Variants in ATOSA observed in about 807,000 individuals in gnomAD.
ATOSA encodes atos homolog protein A.
At chr15:52,660,425 T>G in the ATOSA span, among the ~76,000 whole-genome samples, 1 of 152,224 alleles carries the variant, frequency 6.6e-6, no homozygotes, top group Non-Finnish European at 1.5e-5. Context: ...GCCTGGGATG[T>G]TCTTTCCCCT....
chr15:52,644,167 C>G, the ATOSA span, among the ~76,000 whole-genome samples: 2 of 151,922 alleles, frequency 1.3e-5, no homozygotes, highest in African/African-American at 4.8e-5. Flanking sequence ...AAGCAATCCT[C>G]CAACCTCGGC....
At chr15:52,667,686 A>T in the ATOSA span, among the ~76,000 whole-genome samples, 1 of 152,194 alleles carries the variant, frequency 6.6e-6, no homozygotes, top group Admixed American at 6.5e-5. Flanking sequence ...AAATATACAC[A>T]ATCGGCTTTT....
At chr15:52,689,314 G>A in the ATOSA span, among the ~76,000 whole-genome samples, 1 of 152,044 alleles carries the variant, frequency 6.6e-6, no homozygotes, top group Non-Finnish European at 1.5e-5. Flanking sequence ...CTATATACAT[G>A]ACATTTTCCT....
chr15:52,693,769 T>A, the ATOSA span, among the ~76,000 whole-genome samples: 1 of 152,218 alleles, frequency 6.6e-6, no homozygotes, highest in African/African-American at 2.4e-5. Flanking sequence ...TCCAAAAGTT[T>A]ATGTGGAATA....
At chr15:52,678,429 C>T in the ATOSA span, 27 of 202,388 alleles carry the variant, frequency 1.3e-4, no homozygotes, top group Admixed American at 1.4e-3. Flanking sequence ...CACAAACTAA[C>T]CCCTTCGTAC....
the ATOSA span, among the ~76,000 whole-genome samples, chr15:52,677,299 C>T: frequency 6.6e-6 from 1 of 152,180 alleles, no homozygotes; most frequent in Non-Finnish European, 1.5e-5. Flanking sequence ...GACTGAAAAG[C>T]TCTCACTACT....
chr15:52,644,751 A>C, the ATOSA span, among the ~76,000 whole-genome samples: 1 of 152,224 alleles, frequency 6.6e-6, no homozygotes, highest in African/African-American at 2.4e-5. Flanking sequence ...ATTTGTTTAA[A>C]ATGATTAGGC....
the ATOSA span, among the ~76,000 whole-genome samples, chr15:52,692,942 C>T: frequency 0.31 from 47,484 of 151,772 alleles, 8,077 homozygotes; most frequent in African/African-American, 0.44. Flanking sequence ...TGAGCCACCA[C>T]GCCTGGCACA....
At chr15:52,585,026 A>T in the ATOSA span, 1 of 1,207,406 alleles carries the variant, frequency 8.3e-7, no homozygotes, top group Non-Finnish European at 1.1e-6. Flanking sequence ...ATAATCAAAC[A>T]AGATTTTAAA....
the ATOSA span, chr15:52,582,130 A>T: frequency 1.3e-6 from 2 of 1,538,042 alleles, no homozygotes; most frequent in East Asian, 4.9e-5. Context: ...GTACTGAGTA[A>T]ATACTTTAAA....
At chr15:52,597,718 T>C in the ATOSA span, among the ~76,000 whole-genome samples, 17 of 152,352 alleles carry the variant, frequency 1.1e-4, no homozygotes, top group South Asian at 3.5e-3. Flanking sequence ...GGTTTTGCAG[T>C]AGAAAACTCT....
At chr15:52,637,798 T>C in the ATOSA span, among the ~76,000 whole-genome samples, 1 of 152,196 alleles carries the variant, frequency 6.6e-6, no homozygotes, top group African/African-American at 2.4e-5. Flanking sequence ...CAGGCAGACA[T>C]TTATTATTAT....
At chr15:52,642,571 C>T in the ATOSA span, among the ~76,000 whole-genome samples, 14 of 152,200 alleles carry the variant, frequency 9.2e-5, no homozygotes. Context: ...TAAAAATAAT[C>T]ATGAGGGTGT....
chr15:52,674,446 G>A, the ATOSA span, among the ~76,000 whole-genome samples: 6 of 152,246 alleles, frequency 3.9e-5, no homozygotes, highest in African/African-American at 7.2e-5. Context: ...TGAGTCAAAG[G>A]TGGAATAACA....
At chr15:52,664,343 C>A in the ATOSA span, among the ~76,000 whole-genome samples, 1 of 152,212 alleles carries the variant, frequency 6.6e-6, no homozygotes, top group African/African-American at 2.4e-5. Context: ...TTAGGGAATA[C>A]TGGCCCTGTA....
At chr15:52,651,560 C>A in the ATOSA span, among the ~76,000 whole-genome samples, 9 of 152,322 alleles carry the variant, frequency 5.9e-5, no homozygotes, top group Admixed American at 3.9e-4. Context: ...TGCACATTCT[C>A]TTCCCTGTAT....
chr15:52,678,067 G>T, the ATOSA span: 1 of 1,613,014 alleles, frequency 6.2e-7, no homozygotes, highest in South Asian at 1.1e-5. Context: ...TGCACCTGTG[G>T]GTTCTTTCAA....
chr15:52,635,918 C>T, the ATOSA span, among the ~76,000 whole-genome samples: 678 of 151,476 alleles, frequency 4.5e-3, 2 homozygotes, highest in Admixed American at 8.8e-3. Flanking sequence ...ATTGCTTGAA[C>T]CCCGGGGGCA....
At chr15:52,638,031 T>A in the ATOSA span, among the ~76,000 whole-genome samples, 4 of 152,346 alleles carry the variant, frequency 2.6e-5, no homozygotes, top group East Asian at 7.7e-4. Flanking sequence ...TTGAGTGTCT[T>A]CTTTCTGATC....
Sources: allele counts gnomAD v4.1 joint callset (sites outside exome capture counted in the v4.1 genomes callset), GRCh38; gene constraint gnomAD v4.1.1; transcripts MANE v1.5; gene names NCBI Gene and HGNC (gene_info 2026-07-23, HGNC 2026-07-21).